Variants in SNAP47 observed in about 807,000 individuals in gnomAD.
The protein encoded by SNAP47 is synaptosomal-associated protein 47.
A neutral mutation model predicts 31.4 loss-of-function variants in SNAP47; 20 were observed. That is an observed-to-expected ratio of 0.64 (90% CI 0.45 to 0.93). SNAP47 has a LOEUF of 0.93. Among genes scored for constraint, SNAP47 ranks in the 40% least tolerant of loss-of-function variants. The pLI, the probability that SNAP47 is intolerant of heterozygous loss-of-function variation, is 0.00. For synonymous variants in SNAP47, 194 were observed against 213.4 expected, an observed-to-expected ratio of 0.91 and a Z score of 0.79; for missense variants, 492 against 528.5, an observed-to-expected ratio of 0.93 and a Z score of 0.68.
At chr1:227,744,297 A>G (rs944100426) in intron 1 of SNAP47, among the ~76,000 whole-genome samples, 17 of 151,460 alleles carry the variant, frequency 1.1e-4, no homozygotes, top group African/African-American at 4.1e-4. Flanking sequence ...GAGCAATGAG[A>G]GCTGGTGATC....
chr1:227,732,159 G>A (rs1660692126), upstream of SNAP47: 6 of 590,858 alleles, frequency 1.0e-5, no homozygotes, highest in South Asian at 4.2e-5. Context: ...CACCATCTCC[G>A]AGCTCCCAGC....
At position 227,776,356 on chromosome 1, in the gene SNAP47, A is replaced by G. The variant is rs1386308790; in HGVS notation, c.1114-4171A>G. 4 of 988,052 alleles carry G rather than the reference A, an allele frequency of 4.0e-6. No individual in the cohort carries two copies. In the East Asian group the frequency reaches 3.3e-4, roughly 83 times the overall value. 61.2% of individuals were successfully genotyped at this position (988,052 alleles called of 1,614,324 possible). Reference sequence around the variant, plus strand: ...GTTTGTTTCCCCCAAAACCCAAAGCACTTTTAATCAGGTAGTTTCTGTGGA... The same window carrying G: ...GTTTGTTTCCCCCAAAACCCAAAGCGCTTTTAATCAGGTAGTTTCTGTGGA... On this transcript the variant is annotated intron_variant, in intron 4 of 4. Coordinates refer to ENST00000617596, the MANE Select transcript of SNAP47 (RefSeq NM_053052.4).
chr1:227,751,650 A>G (rs1326953060), intron 2 of SNAP47, among the ~76,000 whole-genome samples: 1 of 151,962 alleles, frequency 6.6e-6, no homozygotes, highest in Non-Finnish European at 1.5e-5. Flanking sequence ...AAGAAACAGA[A>G]CAGACACAAG....
At chr1:227,750,663 G>T (rs1276909036) in intron 2 of SNAP47, among the ~76,000 whole-genome samples, 1 of 152,224 alleles carries the variant, frequency 6.6e-6, no homozygotes, top group Admixed American at 6.5e-5. Context: ...GACAGTGTCT[G>T]CAGGGGGAGG....
At chr1:227,751,600 C>T (rs1326747767) in intron 2 of SNAP47, among the ~76,000 whole-genome samples, 1 of 152,100 alleles carries the variant, frequency 6.6e-6, no homozygotes, top group African/African-American at 2.4e-5. Flanking sequence ...TGGTGCCTTC[C>T]CCAGGCCCAC....
intron 1 of SNAP47, among the ~76,000 whole-genome samples, chr1:227,736,667 GTTTTGTTT>G (rs1661206736): frequency 1.4e-5 from 2 of 145,862 alleles, no homozygotes; most frequent in Admixed American, 1.4e-4. Context: ...GCCCAGCTTA[GTTTTGTTT>G]TTTTGTTTTT....
intron 1 of SNAP47, among the ~76,000 whole-genome samples, chr1:227,738,936 T>G (rs1033641131): frequency 6.6e-6 from 1 of 152,132 alleles, no homozygotes; most frequent in Non-Finnish European, 1.5e-5. Context: ...GAGATGGAGC[T>G]CTCGTTCTTG....
chr1:227,740,366 T>G lies in SNAP47; in HGVS notation c.-46+4867T>G, dbSNP rs1207959310. Among the ~76,000 whole-genome samples the G allele has an allele frequency of 2.0e-5, 3 of 152,186 alleles. 1 individual carries two copies. The highest frequency in any genetic ancestry group is 4.4e-5 in the Non-Finnish European group (3 of 68,030). ...TGGGCAGAGAAGTGACATATTCTAA[T>G]TCTGTTCAATGACTATCTCATTGAC... is the stretch of plus-strand genomic sequence containing the variant. On this transcript the variant is annotated intron_variant, in intron 1 of 4. Coordinates refer to ENST00000617596, the MANE Select transcript of SNAP47 (RefSeq NM_053052.4).
chr1:227,765,170 G>T (rs1663312508), intron 3 of SNAP47, among the ~76,000 whole-genome samples: 1 of 152,182 alleles, frequency 6.6e-6, no homozygotes. Context: ...CACATAGCAG[G>T]CTTATAGACC....
Position 227,748,118 on chromosome 1 carries a change from G to A in SNAP47, c.382G>A (p.Gly128Arg), listed in dbSNP as rs1458734708. 1 of 1,614,068 alleles carries A rather than the reference G, an allele frequency of 6.2e-7. No individual in the cohort carries two copies. Among genetic ancestry groups the A allele is most frequent in the Non-Finnish European group, 8.5e-7 (1 of 1,180,030 alleles). The change falls in exon 2 of 5, where the codon GGA (glycine) becomes AGA (arginine). Residue 128 changes from glycine (G) to arginine (R), a missense_variant. Gly to Arg is a moderately radical substitution (Grantham distance 125). Coordinates refer to ENST00000617596, the MANE Select transcript of SNAP47 (RefSeq NM_053052.4). ...CGAGGAGCTGACGGGACTCATGGCT[G>A]GATCCCAGAAACGCCTGGAGGACAC... ...RGEELTGLMA[G>R]SQKRLEDTAR...
chr1:227,779,830 G>C (rs925236526), intron 4 of SNAP47, among the ~76,000 whole-genome samples: 1 of 152,244 alleles, frequency 6.6e-6, no homozygotes, highest in East Asian at 1.9e-4. Context: ...CTCTGTGCTA[G>C]CATTCCTGGG....
intron 1 of SNAP47, among the ~76,000 whole-genome samples, chr1:227,737,155 T>G (rs1172555982): frequency 6.6e-6 from 1 of 152,240 alleles, no homozygotes; most frequent in Non-Finnish European, 1.5e-5. Context: ...GGGGACCCTA[T>G]GTGATGTATG....
chr1:227,732,110 G>C (rs1045679976), upstream of SNAP47: 2 of 538,310 alleles, frequency 3.7e-6, no homozygotes. Flanking sequence ...AGGCGTCCTG[G>C]CCTAAGGAGG....
chr1:227,779,457 C>T (rs1029820147), intron 4 of SNAP47, among the ~76,000 whole-genome samples: 5 of 152,172 alleles, frequency 3.3e-5, no homozygotes, highest in Non-Finnish European at 7.4e-5. Flanking sequence ...ACCAGAGGAG[C>T]TGTAGGGGCC....
At chr1:227,729,830 C>A (rs1660527337) in intron 1 of SNAP47, among the ~76,000 whole-genome samples, 5 of 152,160 alleles carry the variant, frequency 3.3e-5, no homozygotes, top group African/African-American at 7.2e-5. Context: ...GGAGGAGCCC[C>A]TAGGCCCCAT....
At chr1:227,771,625 A>C (rs1663810618) in intron 4 of SNAP47, among the ~76,000 whole-genome samples, 1 of 151,788 alleles carries the variant, frequency 6.6e-6, no homozygotes, top group Admixed American at 6.6e-5. Context: ...GTGACAGTGA[A>C]CGCCTGCTCA....
chr1:227,735,974 G>A (rs1020774762), intron 1 of SNAP47, among the ~76,000 whole-genome samples: 2 of 151,626 alleles, frequency 1.3e-5, no homozygotes, highest in African/African-American at 4.9e-5. Context: ...ACCTGGAGAG[G>A]ACGGTGGCAC....
At chr1:227,734,674 G>C, upstream of SNAP47, 1 of 1,614,134 alleles carries the variant, frequency 6.2e-7, no homozygotes, top group South Asian at 1.1e-5. Context: ...AGTCTTTGAG[G>C]TAGAGACAGC....
At chr1:227,731,311 G>A (rs1660629866), upstream of SNAP47, 2 of 152,332 alleles carry the variant, frequency 1.3e-5, no homozygotes. Flanking sequence ...CCTTCTTGGG[G>A]GCTTCCATCC....
Sources: gnomAD v4.1 joint callset for allele counts (sites outside exome capture counted in the v4.1 genomes callset) on GRCh38, gnomAD v4.1.1 for gene constraint, MANE v1.5 for transcripts, NCBI Gene and HGNC (gene_info 2026-07-23, HGNC 2026-07-21) for gene names.